Variants in CPQ observed in about 807,000 individuals in gnomAD.
CPQ encodes the protein carboxypeptidase Q, also known as Ser-Met dipeptidase.
In CPQ, 37 loss-of-function variants were observed where a neutral mutation model predicts 45.7. That is an observed-to-expected ratio of 0.81 (90% CI 0.62 to 1.07). The LOEUF is 1.07. CPQ is among the 50% of genes least tolerant of loss of function. The pLI is 0.00. For missense variants in CPQ, 537 were observed against 572.9 expected (o/e 0.94, Z 0.64); for synonymous variants, 186 against 205.8 (o/e 0.90, Z 0.82).
At chr8:96,684,803 G>A (rs1586358121) in intron 1 of CPQ, among the ~76,000 whole-genome samples, 1 of 152,058 alleles carries the variant, frequency 6.6e-6, no homozygotes, top group East Asian at 1.9e-4. Flanking sequence ...ATTGATTTAA[G>A]AGTTAGCTCA....
At chr8:96,681,279 G>GT (rs1319332528) in intron 1 of CPQ, among the ~76,000 whole-genome samples, 10 of 152,056 alleles carry the variant, frequency 6.6e-5, no homozygotes, top group South Asian at 4.2e-4. Flanking sequence ...AGGAAAAGGT[G>GT]TTTTTTTTGG....
chr8:96,912,470 A>T (rs895129157), intron 4 of CPQ, among the ~76,000 whole-genome samples: 3 of 152,222 alleles, frequency 2.0e-5, no homozygotes, highest in East Asian at 3.8e-4. Flanking sequence ...AAGTTCTAGT[A>T]TAATAATAAT....
At chr8:96,779,313 A>C (rs568176038) in intron 1 of CPQ, among the ~76,000 whole-genome samples, 23 of 151,860 alleles carry the variant, frequency 1.5e-4, no homozygotes, top group African/African-American at 5.6e-4. Context: ...TTTTGTTCTC[A>C]TGGTACTCTA....
Position 97,143,339 on chromosome 8 carries a change from A to G in CPQ, c.*156A>G, listed in dbSNP as rs1311797964. ...TTATTATCTTTCTTGATACTTTCCA[A>G]ATTCTCTGATTCTAGAAAAAGGAAT... On this transcript the variant is annotated 3_prime_UTR_variant, in exon 8 of 8. Transcript: ENST00000220763. 1 of 688,712 alleles carries G rather than the reference A, an allele frequency of 1.5e-6. No individual in the cohort carries two copies. The highest frequency in any genetic ancestry group is 2.3e-6 in the Non-Finnish European group (1 of 428,866). The allele number at this position is 688,712 out of a possible 1,614,324, so 42.7% of individuals were successfully genotyped here. A position where few individuals can be genotyped will look rare whatever the true frequency, so the allele number is the denominator to read the frequency against.
At chr8:96,687,298 C>T (rs187732008) in intron 1 of CPQ, among the ~76,000 whole-genome samples, 107 of 151,946 alleles carry the variant, frequency 7.0e-4, no homozygotes, top group Non-Finnish European at 2.6e-4. Context: ...TCGCAACCTC[C>T]GCCTCATAGA....
intron 4 of CPQ, among the ~76,000 whole-genome samples, chr8:96,885,469 A>C (rs1160478627): frequency 6.6e-6 from 1 of 152,194 alleles, no homozygotes; most frequent in Non-Finnish European, 1.5e-5. Context: ...TTGTTCAGTA[A>C]TAACACCCAG....
intron 1 of CPQ, among the ~76,000 whole-genome samples, chr8:96,762,593 G>C (rs1385073989): frequency 6.6e-6 from 1 of 152,132 alleles, no homozygotes; most frequent in African/African-American, 2.4e-5. Context: ...GTGATGGAGG[G>C]ACTAAGGAAA....
At chr8:97,041,649 G>A (rs1031347678) in intron 6 of CPQ, among the ~76,000 whole-genome samples, 2 of 152,122 alleles carry the variant, frequency 1.3e-5, no homozygotes, top group African/African-American at 2.4e-5. Context: ...ATTATTTTGA[G>A]TTACGTCCCC....
chr8:96,764,564 A>T (rs764405134), intron 1 of CPQ, among the ~76,000 whole-genome samples: 4 of 152,216 alleles, frequency 2.6e-5, no homozygotes, highest in Non-Finnish European at 2.9e-5. Context: ...GCAGTCTATT[A>T]TATGTTAATT....
At chr8:96,985,732 T>TA (rs1163742341) in intron 5 of CPQ, among the ~76,000 whole-genome samples, 1 of 152,174 alleles carries the variant, frequency 6.6e-6, no homozygotes, top group African/African-American at 2.4e-5. Context: ...AAAGGCGTTG[T>TA]AAAAAACAAA....
chr8:96,845,659 A>C (rs1934108294), intron 3 of CPQ, among the ~76,000 whole-genome samples: 1 of 152,160 alleles, frequency 6.6e-6, no homozygotes, highest in Non-Finnish European at 1.5e-5. Flanking sequence ...TTTTTTAAAA[A>C]AAATTTTAGT....
At chr8:96,848,600 A>G (rs1468000429) in intron 3 of CPQ, among the ~76,000 whole-genome samples, 3 of 152,242 alleles carry the variant, frequency 2.0e-5, no homozygotes, top group Non-Finnish European at 4.4e-5. Context: ...ATGGTTGATC[A>G]TAATTTAGCT....
intron 4 of CPQ, among the ~76,000 whole-genome samples, chr8:96,898,830 G>A (rs924846309): frequency 2.0e-5 from 3 of 149,210 alleles, no homozygotes; most frequent in African/African-American, 7.6e-5. Flanking sequence ...TTCTTGTTGG[G>A]TCGGGGAGTG....
chr8:96,663,569 A>C (rs1265586869), intron 1 of CPQ, among the ~76,000 whole-genome samples: 1 of 152,226 alleles, frequency 6.6e-6, no homozygotes, highest in Non-Finnish European at 1.5e-5. Flanking sequence ...AGCACTTTTC[A>C]AACCTAAGAA....
At chr8:96,710,883 A>G (rs552654111) in intron 1 of CPQ, among the ~76,000 whole-genome samples, 2 of 151,756 alleles carry the variant, frequency 1.3e-5, no homozygotes, top group East Asian at 2.0e-4. Context: ...GTGTAGATTA[A>G]GTCCGGTGTT....
intron 1 of CPQ, among the ~76,000 whole-genome samples, chr8:96,651,955 C>A (rs1815581378): frequency 6.6e-6 from 1 of 152,128 alleles, no homozygotes; most frequent in Admixed American, 6.5e-5. Flanking sequence ...ATACCCATCA[C>A]CTTAAATACT....
chr8:96,829,631 C>T (rs1255926870), intron 2 of CPQ, among the ~76,000 whole-genome samples: 1 of 151,922 alleles, frequency 6.6e-6, no homozygotes, highest in African/African-American at 2.4e-5. Context: ...TGAAAATGTC[C>T]TTCCCTCATT....
intron 4 of CPQ, among the ~76,000 whole-genome samples, chr8:96,889,858 C>T (rs1449376363): frequency 6.6e-6 from 1 of 152,154 alleles, no homozygotes; most frequent in Non-Finnish European, 1.5e-5. Flanking sequence ...TTAGATGGTG[C>T]CCACCCAGAT....
intron 5 of CPQ, among the ~76,000 whole-genome samples, chr8:97,012,934 G>A (rs995712415): frequency 6.6e-6 from 1 of 152,104 alleles, no homozygotes; most frequent in Non-Finnish European, 1.5e-5. Context: ...AAATGTTTGA[G>A]ATAAATAGCC....
Sources: allele counts gnomAD v4.1 joint callset (sites outside exome capture counted in the v4.1 genomes callset), GRCh38; gene constraint gnomAD v4.1.1; transcripts MANE v1.5; gene names NCBI Gene and HGNC (gene_info 2026-07-23, HGNC 2026-07-21).